NHS: variants seen among roughly 807,000 people sequenced by gnomAD.
The protein encoded by NHS is actin remodeling regulator NHS.
NHS carries 5 observed loss-of-function variants against 72.5 expected under a neutral mutation model. The ratio of observed to expected loss-of-function variants is 0.07; its 90% confidence interval spans 0.04 to 0.14. NHS has a LOEUF of 0.14. Among genes scored for constraint, NHS ranks in the 10% least tolerant of loss-of-function variants. NHS has a pLI of 1.00. For missense variants in NHS, 1,072 were observed against 1,355.7 expected, an observed-to-expected ratio of 0.79 and a Z score of 3.29; for synonymous variants, 464 against 547.7, an observed-to-expected ratio of 0.85 and a Z score of 2.13.
intron 1 of NHS, among the ~76,000 whole-genome samples, chrX:17,532,309 A>G (rs1036708400): frequency 3.6e-5 from 4 of 111,312 alleles, no homozygotes; most frequent in Non-Finnish European, 7.5e-5. Context: ...GAATCAATCC[A>G]TCGAGGCACA....
chrX:17,655,813 G>A (rs2065951218), intron 1 of NHS, among the ~76,000 whole-genome samples: 1 of 113,059 alleles, frequency 8.8e-6, no homozygotes, highest in African/African-American at 3.2e-5. Context: ...TTGAAGCAGT[G>A]GAGGGGCCGA....
At chrX:17,615,261 C>CATATATATAT (rs756380375) in intron 1 of NHS, among the ~76,000 whole-genome samples, 7 of 89,856 alleles carry the variant, frequency 7.8e-5, no homozygotes, top group African/African-American at 3.6e-4. Flanking sequence ...CATATATACA[C>CATATATATAT]ATATATATAT....
At chrX:17,575,906 C>T (rs1313794244) in intron 1 of NHS, among the ~76,000 whole-genome samples, 1 of 111,776 alleles carries the variant, frequency 8.9e-6, no homozygotes, top group Non-Finnish European at 1.9e-5. Flanking sequence ...CATTGTGTGC[C>T]CCAGACACGA....
intron 1 of NHS, among the ~76,000 whole-genome samples, chrX:17,655,460 T>C (rs1163526992): frequency 8.9e-6 from 1 of 112,556 alleles, no homozygotes; most frequent in African/African-American, 3.2e-5. Flanking sequence ...CCGGGCTTTG[T>C]GGCTGGCTCC....
At chrX:17,705,672 C>T (rs1388984095) in intron 3 of NHS, 1 of 112,894 alleles carries the variant, frequency 8.9e-6, no homozygotes, top group Non-Finnish European at 1.9e-5. Flanking sequence ...TATGAATCCA[C>T]AGAAGTTCAG....
chrX:17,406,465 T>C (rs1174587125), intron 1 of NHS, among the ~76,000 whole-genome samples: 1 of 111,561 alleles, frequency 9.0e-6, no homozygotes. Context: ...TGTTTACATC[T>C]CTGTGAGCTG....
chrX:17,446,505 C>A (rs1391415513), intron 1 of NHS, among the ~76,000 whole-genome samples: 1 of 109,602 alleles, frequency 9.1e-6, no homozygotes, highest in African/African-American at 3.3e-5. Flanking sequence ...TTGTGACCCC[C>A]GCCCCTGCCC....
intron 1 of NHS, among the ~76,000 whole-genome samples, chrX:17,660,133 G>A (rs2065976015): frequency 8.9e-6 from 1 of 112,133 alleles, no homozygotes; most frequent in Admixed American, 9.5e-5. Flanking sequence ...ACACAGGATT[G>A]AGCTACTCAG....
intron 1 of NHS, among the ~76,000 whole-genome samples, chrX:17,465,508 G>T (rs978071942): frequency 1.8e-5 from 2 of 108,876 alleles, no homozygotes; most frequent in Non-Finnish European, 3.8e-5. Flanking sequence ...TTGTGGAGAT[G>T]AATAAAAAAT....
At chrX:17,700,996 ATT>A (rs747556102) in intron 3 of NHS, among the ~76,000 whole-genome samples, 30 of 112,278 alleles carry the variant, frequency 2.7e-4, no homozygotes, top group African/African-American at 9.7e-4. Context: ...ATAATGTCAT[ATT>A]TTTGCTGTAC....
chrX:17,630,467 C>T (rs1364349505), intron 1 of NHS, among the ~76,000 whole-genome samples: 1 of 109,126 alleles, frequency 9.2e-6, no homozygotes, highest in Non-Finnish European at 1.9e-5. Context: ...GTGCATGGGT[C>T]CTCCAGCTGC....
At chrX:17,537,156 C>T (rs372259664) in intron 1 of NHS, among the ~76,000 whole-genome samples, 86 of 112,176 alleles carry the variant, frequency 7.7e-4, no homozygotes, top group Admixed American at 2.5e-3. Flanking sequence ...ATCTCGGGCA[C>T]GTATATGGCA....
chrX:17,704,274 T>C (rs2066282682), intron 3 of NHS, among the ~76,000 whole-genome samples: 1 of 108,702 alleles, frequency 9.2e-6, no homozygotes, highest in African/African-American at 3.3e-5. Context: ...TGAGACTCTA[T>C]CTCTAAAAAA....
intron 1 of NHS, among the ~76,000 whole-genome samples, chrX:17,665,691 G>C (rs1225186143): frequency 9.0e-6 from 1 of 111,533 alleles, no homozygotes; most frequent in Non-Finnish European, 1.9e-5. Flanking sequence ...GAGTTGGGAA[G>C]TGTTCTCTCC....
chrX:17,413,780 CA>C (rs2064575828), intron 1 of NHS, among the ~76,000 whole-genome samples: 1 of 111,231 alleles, frequency 9.0e-6, no homozygotes, highest in African/African-American at 3.3e-5. Context: ...GTTGCACCCC[CA>C]AAAAAAGCAG....
intron 1 of NHS, among the ~76,000 whole-genome samples, chrX:17,509,492 G>C (rs1035362771): frequency 2.7e-5 from 3 of 112,410 alleles, no homozygotes; most frequent in African/African-American, 9.7e-5. Context: ...CCCCCAAAGT[G>C]CTGGGATTAC....
rs748123780 is a variant in NHS at position 17,725,727 on chromosome X, A to G, written c.1621A>G (p.Thr541Ala). The change falls in exon 7 of 9, where the codon ACC becomes GCC. Residue 541 changes from threonine to alanine, a missense_variant. Transcript: ENST00000676302. ...GESFVGDHER[T>A]PNDFSEAPSS... ...GTCTTTTGTGGGTGACCATGAAAGA[A>G]CCCCTAATGATTTCAGTGAGGCTCC... The G allele has an allele frequency of 4.1e-6, 5 of 1,208,889 alleles. No individual in the cohort carries two copies. The highest frequency in any genetic ancestry group is 4.5e-6 in the Non-Finnish European group (4 of 894,991).
intron 3 of NHS, among the ~76,000 whole-genome samples, chrX:17,713,751 C>CCTA (rs1356384163): frequency 1.8e-5 from 2 of 111,628 alleles, no homozygotes; most frequent in Non-Finnish European, 3.8e-5. Context: ...TTGTTCATAG[C>CCTA]CACGAAAGGG....
rs1216194040 is a variant in NHS at position 17,712,253 on chromosome X, GTATATA to G, written c.853-7058_853-7053del. 9.5e-3 allele frequency among the ~76,000 whole-genome samples: 478 copies of G among 50,137 alleles called. 3 individuals carry two copies. Among genetic ancestry groups the G allele is most frequent in the Non-Finnish European group, 0.011 (300 of 27,433 alleles). 43.5% of individuals were successfully genotyped at this position (50,137 alleles called of 115,157 possible). On this transcript the variant is annotated intron_variant, in intron 3 of 8. Transcript: ENST00000676302. ...ATGCTTATTGGCCTTTTGTGTGTGT[GTATATA>G]TATATATATATATATATATATATAT...
Sources: gnomAD v4.1 joint callset for allele counts (sites outside exome capture counted in the v4.1 genomes callset) on GRCh38, gnomAD v4.1.1 for gene constraint, MANE v1.5 for transcripts, NCBI Gene and HGNC (gene_info 2026-07-23, HGNC 2026-07-21) for gene names.